Variants in PLCXD1 observed in about 807,000 individuals in gnomAD.
The protein encoded by PLCXD1 is PI-PLC X domain-containing protein 1.
Under a neutral mutation model 37.8 loss-of-function variants are expected in PLCXD1, and 45 were observed. That is an observed-to-expected ratio of 1.19 (90% CI 0.94 to 1.53). The LOEUF (loss-of-function observed/expected upper bound fraction) is 1.53, where lower values mean the gene tolerates loss of function less well. Among genes scored for constraint, PLCXD1 ranks in the 40% most tolerant of loss-of-function variants. The probability of loss-of-function intolerance (pLI) is 0.00; values close to 1 mark genes in which losing one functional copy is unlikely to be tolerated. For missense variants in PLCXD1, 539 were observed against 454.7 expected (o/e 1.19, Z -1.69); for synonymous variants, 246 against 206.9 (o/e 1.19, Z -1.62).
At chrX:276,546 C>G (rs185525943), upstream of PLCXD1, among the ~76,000 whole-genome samples, 2 of 152,094 alleles carry the variant, frequency 1.3e-5, no homozygotes, top group African/African-American at 4.8e-5. Flanking sequence ...GCTGGGGGCA[C>G]GGGCAGGGGG....
chrX:277,339 T>A (rs117283964), upstream of PLCXD1, among the ~76,000 whole-genome samples: 8 of 6,820 alleles, frequency 1.2e-3, no homozygotes, highest in East Asian at 6.0e-3. Flanking sequence ...GGGGAGGGGT[T>A]GGGGAACGTG....
chrX:294,874 T>G (rs763188439), intron 6 of PLCXD1, among the ~76,000 whole-genome samples: 1 of 151,916 alleles, frequency 6.6e-6, no homozygotes, highest in African/African-American at 2.4e-5. Context: ...CCAGCCGAGT[T>G]GTGCAATTTA....
At chrX:289,757 C>T (rs1367795618) in intron 3 of PLCXD1, among the ~76,000 whole-genome samples, 4 of 151,842 alleles carry the variant, frequency 2.6e-5, no homozygotes, top group South Asian at 2.1e-4. Flanking sequence ...GTGATCCACC[C>T]GCCTCAGCCT....
intron 6 of PLCXD1, 96 bp downstream of exon 6, chrX:293,314 T>C: frequency 1.1e-6 from 1 of 917,078 alleles, no homozygotes; most frequent in Non-Finnish European, 1.7e-6. Flanking sequence ...CACTTTTACG[T>C]GAAAACAATT....
intron 2 of PLCXD1, 150 bp downstream of exon 2, chrX:284,464 GACACAC>G (rs1313705544): frequency 7.9e-5 from 64 of 806,312 alleles, no homozygotes; most frequent in Middle Eastern, 3.7e-4. Flanking sequence ...CACTGATGTG[GACACAC>G]ACATACACAC....
intron 3 of PLCXD1, among the ~76,000 whole-genome samples, chrX:289,665 C>A (rs776833003): frequency 4.0e-4 from 60 of 151,876 alleles, no homozygotes; most frequent in Admixed American, 1.0e-3. Flanking sequence ...GCTCCCGCGA[C>A]CACGCCCGGC....
At chrX:284,665 CACATGCACATCTGCACACAT>C (rs2069390830) in intron 2 of PLCXD1, among the ~76,000 whole-genome samples, 2 of 151,926 alleles carry the variant, frequency 1.3e-5, no homozygotes, top group Non-Finnish European at 2.9e-5. Context: ...TCTGCACACA[CACATGCACATCTGCACACAT>C]ACGCATGTGC....
chrX:291,972 C>G (rs1256783508), intron 5 of PLCXD1, among the ~76,000 whole-genome samples: 1 of 151,724 alleles, frequency 6.6e-6, no homozygotes, highest in African/African-American at 2.4e-5. Context: ...TCGAGACTAT[C>G]CTGGCCAACA....
intron 6 of PLCXD1, among the ~76,000 whole-genome samples, chrX:294,249 G>A (rs746441942): frequency 6.6e-6 from 1 of 152,304 alleles, no homozygotes; most frequent in Non-Finnish European, 1.5e-5. Flanking sequence ...TCGGGAGGCC[G>A]AGGCGGGCGG....
chrX:284,263 G>T lies in PLCXD1; in HGVS notation c.76G>T (p.Ala26Ser). ...CRNANEDWMS[A>S]LCPRLWDVPL... The stretch of plus-strand genomic sequence containing the variant: ...AAATGCCAACGAGGACTGGATGTCG[G>T]CACTGTGTCCCCGGCTCTGGGATGT... Residue 26 changes from alanine to serine, a missense_variant, in exon 2 of 7, where the codon GCA (alanine) becomes TCA (serine). By Grantham distance (99) the Ala-to-Ser change is moderately conservative. Coordinates refer to ENST00000381657, the MANE Select transcript of PLCXD1 (RefSeq NM_018390.4). 1 of 1,613,552 alleles carries T rather than the reference G, an allele frequency of 6.2e-7. No homozygotes were observed. Among genetic ancestry groups the T allele is most frequent in the Non-Finnish European group, 8.5e-7 (1 of 1,179,838 alleles).
intron 2 of PLCXD1, among the ~76,000 whole-genome samples, chrX:286,491 A>G (rs2069454779): frequency 6.6e-6 from 1 of 152,108 alleles, no homozygotes; most frequent in African/African-American, 2.4e-5. Flanking sequence ...TTAAAGAAAG[A>G]AGAGGTTTCT....
chrX:282,703 C>CAAAA (rs34034222), intron 1 of PLCXD1, among the ~76,000 whole-genome samples: 1 of 109,508 alleles, frequency 9.1e-6, no homozygotes, highest in African/African-American at 3.3e-5. Flanking sequence ...GAAACTGTGT[C>CAAAA]AAAAAAAAAA....
chrX:285,340 G>C (rs1210978476), intron 2 of PLCXD1, among the ~76,000 whole-genome samples: 1 of 149,642 alleles, frequency 6.7e-6, no homozygotes, highest in Non-Finnish European at 1.5e-5. Flanking sequence ...ACATGCACAT[G>C]CACACGTGTA....
chrX:287,991 G>C (rs190528152), intron 2 of PLCXD1, among the ~76,000 whole-genome samples: 3 of 151,826 alleles, frequency 2.0e-5, no homozygotes, highest in African/African-American at 7.3e-5. Context: ...TGAGGCTCTA[G>C]GGGAGGGTCC....
chrX:295,551 T>G, intron 6 of PLCXD1, among the ~76,000 whole-genome samples: 2 of 147,918 alleles, frequency 1.4e-5, no homozygotes. Context: ...TGAGGTGGAG[T>G]CTCACTCTTG....
At chrX:283,265 A>G (rs1220471710) in intron 1 of PLCXD1, 2 of 150,000 alleles carry the variant, frequency 1.3e-5, no homozygotes, top group African/African-American at 4.9e-5. Context: ...CGTCTCAAAA[A>G]AAAAAAAACC....
intron 2 of PLCXD1, among the ~76,000 whole-genome samples, chrX:285,306 G>A (rs1323425108): frequency 6.6e-6 from 1 of 152,006 alleles, no homozygotes; most frequent in Non-Finnish European, 1.5e-5. Context: ...ACATACACAT[G>A]CATGCACATG....
chrX:290,761 A>G lies in PLCXD1; in HGVS notation c.378A>G (p.Thr126=), dbSNP rs751910025. 4 of 1,610,228 alleles carry G rather than the reference A, an allele frequency of 2.5e-6. No homozygotes were observed. Among genetic ancestry groups the G allele is most frequent in the Admixed American group, 1.7e-5 (1 of 59,876 alleles). ...KNLHFVHMVY[T]TALVEDTLTE... The stretch of plus-strand genomic sequence containing the variant: ...TGCACTTTGTCCATATGGTGTACAC[A>G]ACGGCGCTGGTGGAGGTGCGGCCGG... The change falls in exon 4 of 7, where the codon ACA becomes ACG. Residue 126 remains threonine (T), a synonymous_variant. Coordinates refer to ENST00000381657, the MANE Select transcript of PLCXD1 (RefSeq NM_018390.4).
At chrX:287,598 TTATATATAGATATAGATACTATATA>T in intron 2 of PLCXD1, among the ~76,000 whole-genome samples, 1 of 84,326 alleles carries the variant, frequency 1.2e-5, no homozygotes, top group Middle Eastern at 0.011. Flanking sequence ...CTATATATGT[TTATATATAGATATAGATACTATATA>T]TGTTTATATA....
Sources: allele counts gnomAD v4.1 joint callset (sites outside exome capture counted in the v4.1 genomes callset), GRCh38; gene constraint gnomAD v4.1.1; transcripts MANE v1.5; gene names NCBI Gene and HGNC (gene_info 2026-07-23, HGNC 2026-07-21).